Variants in XIAP observed in about 807,000 individuals in gnomAD.
XIAP encodes the protein E3 ubiquitin-protein ligase XIAP.
In XIAP, 3 loss-of-function variants were observed where a neutral mutation model predicts 33.1. The ratio of observed to expected loss-of-function variants is 0.09; its 90% CI spans 0.04 to 0.23. XIAP has a LOEUF of 0.23. Ranked by LOEUF, XIAP falls within the 10% of genes least tolerant of loss-of-function variation. The probability of loss-of-function intolerance (pLI) is 1.00; values close to 1 mark genes in which losing one functional copy is unlikely to be tolerated. For synonymous variants in XIAP, 98 were observed against 121.3 expected (o/e 0.81, Z 1.26); for missense variants, 264 against 363.0 (o/e 0.73, Z 2.22).
At chrX:123,895,920 C>G (rs1478830600) in intron 5 of XIAP, among the ~76,000 whole-genome samples, 3 of 110,192 alleles carry the variant, frequency 2.7e-5, no homozygotes, top group African/African-American at 6.6e-5. Flanking sequence ...CACCACCATA[C>G]CTGGCTAATT....
chrX:123,865,414 G>A (rs1405036213), intron 1 of XIAP, among the ~76,000 whole-genome samples: 3 of 110,788 alleles, frequency 2.7e-5, no homozygotes, highest in Non-Finnish European at 3.8e-5. Flanking sequence ...TATTTTAGGT[G>A]TTGAATTCAA....
chrX:123,896,175 T>C (rs769321787), intron 5 of XIAP, among the ~76,000 whole-genome samples: 1 of 111,406 alleles, frequency 9.0e-6, no homozygotes, highest in African/African-American at 3.3e-5. Flanking sequence ...CAAGCAATTC[T>C]GCTGCCTCAG....
chrX:123,891,024 A>G (rs756275703), intron 3 of XIAP, among the ~76,000 whole-genome samples: 47 of 111,478 alleles, frequency 4.2e-4, no homozygotes, highest in Non-Finnish European at 6.8e-4. Flanking sequence ...TTTTTGCTCT[A>G]CTAATATTAG....
At position 123,885,808 on chromosome X, in the gene XIAP, G is replaced by T; in HGVS notation, c.146G>T (p.Arg49Leu). The part of the protein sequence containing the change: ...GSPVSASTLA[R>L]AGFLYTGEGD... ...CCTGTTTCAGCATCAACACTGGCAC[G>T]AGCAGGGTTTCTTTATACTGGTGAA... The change falls in exon 2 of 7, where the codon CGA (arginine) becomes CTA (leucine). Residue 49 changes from arginine (R) to leucine (L), a missense_variant. By Grantham distance (102) the Arg-to-Leu change is moderately radical. Transcript: ENST00000371199. 8.3e-7 allele frequency: 1 copy of T among 1,211,842 alleles called. No homozygotes were observed. The highest frequency in any genetic ancestry group is 1.1e-6 in the Non-Finnish European group (1 of 895,552).
At chrX:123,864,462 T>G (rs1298567712) in intron 1 of XIAP, among the ~76,000 whole-genome samples, 3 of 86,972 alleles carry the variant, frequency 3.4e-5, no homozygotes, top group African/African-American at 1.3e-4. Flanking sequence ...TCTGTTTTTT[T>G]TTTTTTTTTT....
intron 4 of XIAP, among the ~76,000 whole-genome samples, chrX:123,892,227 C>T (rs1010026582): frequency 9.1e-6 from 1 of 110,320 alleles, no homozygotes; most frequent in Non-Finnish European, 1.9e-5. Flanking sequence ...TTTAGCTAGG[C>T]GTAATGGCGG....
chrX:123,871,349 T>C (rs1022784411), intron 1 of XIAP, among the ~76,000 whole-genome samples: 1 of 112,047 alleles, frequency 8.9e-6, no homozygotes, highest in South Asian at 3.7e-4. Flanking sequence ...AAGTCATCCA[T>C]GGCATTTCTG....
At chrX:123,888,945 G>A (rs773642440) in intron 3 of XIAP, among the ~76,000 whole-genome samples, 2 of 110,272 alleles carry the variant, frequency 1.8e-5, no homozygotes, top group East Asian at 5.7e-4. Flanking sequence ...TTGAGACGAA[G>A]TCTCACTCTC....
At chrX:123,890,629 G>A (rs1384079568) in intron 3 of XIAP, among the ~76,000 whole-genome samples, 1 of 81,915 alleles carries the variant, frequency 1.2e-5, no homozygotes, top group Non-Finnish European at 2.3e-5. Context: ...GACAGAGTGA[G>A]ACACTGTCTC....
chrX:123,884,483 CA>C (rs11422563), intron 1 of XIAP, among the ~76,000 whole-genome samples: 1,069 of 95,441 alleles, frequency 0.011, 13 homozygotes, highest in Admixed American at 0.054. Flanking sequence ...AACTCCATCT[CA>C]AAAAAAAAAA....
At position 123,886,330 on chromosome X, in the gene XIAP, A is replaced by T; in HGVS notation, c.668A>T (p.His223Leu). 8.3e-7 allele frequency: 1 copy of T among 1,212,103 alleles called. No individual in the cohort carries two copies. Among genetic ancestry groups the T allele is most frequent in the Non-Finnish European group, 1.1e-6 (1 of 895,637 alleles). Reference protein sequence around the residue: ...CDRAWSEHRRHFPNCFFVLGR... With the variant: ...CDRAWSEHRRLFPNCFFVLGR... ...CGTGCCTGGTCAGAACACAGGCGAC[A>T]CTTTCCTAATTGCTTCTTTGTTTTG... Residue 223 changes from histidine to leucine, a missense_variant, in exon 2 of 7, where the codon CAC becomes CTC. Physicochemically the swap from His to Leu is moderately conservative, Grantham distance 99. Transcript: ENST00000371199.
In XIAP at chrX:123,913,958, T is replaced by C. The variant is rs777311299; in HGVS notation, c.*6777T>C. On this transcript the variant is annotated 3_prime_UTR_variant, in exon 7 of 7. Transcript: ENST00000371199. ...GAATAAAACGTATTCAATAAAATAC[T>C]ATTCTTTAAAATTATATCATACTAC... 3.3e-6 allele frequency: 1 copy of C among 300,400 alleles called. No homozygotes were observed. 24.8% of individuals were successfully genotyped at this position (300,400 alleles called of 1,213,427 possible).
chrX:123,859,763 C>CGGGGGGGTCGGGT, upstream of XIAP: 1 of 97,001 alleles, frequency 1.0e-5, no homozygotes, highest in South Asian at 7.1e-5. Context: ...TCCAGCCGGG[C>CGGGGGGGTCGGGT]GGGGGGGTCG....
At chrX:123,884,351 G>C (rs2053332649) in intron 1 of XIAP, among the ~76,000 whole-genome samples, 1 of 110,720 alleles carries the variant, frequency 9.0e-6, no homozygotes, top group Non-Finnish European at 1.9e-5. Flanking sequence ...GGGCATGGTG[G>C]CGCATGCCTG....
intron 1 of XIAP, among the ~76,000 whole-genome samples, chrX:123,861,992 T>A (rs1348914295): frequency 8.9e-6 from 1 of 112,529 alleles, no homozygotes; most frequent in African/African-American, 3.2e-5. Flanking sequence ...ATATCAAATC[T>A]GGGTACTTGC....
At chrX:123,887,991 A>C (rs1167797978) in intron 2 of XIAP, among the ~76,000 whole-genome samples, 20 of 98,401 alleles carry the variant, frequency 2.0e-4, no homozygotes, top group African/African-American at 7.5e-4. Flanking sequence ...TCTCAGAAAA[A>C]AATAATAATA....
chrX:123,864,918 G>A (rs1201412208), intron 1 of XIAP, among the ~76,000 whole-genome samples: 2 of 107,517 alleles, frequency 1.9e-5, no homozygotes, highest in Non-Finnish European at 3.8e-5. Flanking sequence ...TCCTGACCTC[G>A]TGATCTGCCT....
chrX:123,904,319 A>G (rs1271183278), intron 6 of XIAP, among the ~76,000 whole-genome samples: 2 of 112,182 alleles, frequency 1.8e-5, no homozygotes, highest in Non-Finnish European at 3.8e-5. Flanking sequence ...TTTTTTTGGC[A>G]TGAAATACAC....
At position 123,877,472 on chromosome X, in the gene XIAP, T is replaced by C. The variant is rs189911815; in HGVS notation, c.-32-8159T>C. 7.0e-4 allele frequency among the ~76,000 whole-genome samples: 79 copies of C among 112,554 alleles called. 1 individual carries two copies. In the Admixed American group the frequency reaches 7.4e-3, roughly 11 times the overall value. ...AATGTGAACAACTGTCAGAGAATTT[T>C]GTAATTCAGGAACATAGCTTCAAGT... On this transcript the variant is annotated intron_variant, in intron 1 of 6. Coordinates refer to ENST00000371199, the MANE Select transcript of XIAP (RefSeq NM_001167.4).
Sources: allele counts gnomAD v4.1 joint callset (sites outside exome capture counted in the v4.1 genomes callset), GRCh38; gene constraint gnomAD v4.1.1; transcripts MANE v1.5; gene names NCBI Gene and HGNC (gene_info 2026-07-23, HGNC 2026-07-21).